ZBTB38: variants seen among roughly 807,000 people sequenced by gnomAD.
ZBTB38 encodes zinc finger and BTB domain containing 38.
ZBTB38 carries 20 observed loss-of-function variants against 76.8 expected under a neutral mutation model. That is an observed-to-expected ratio of 0.26 (90% CI 0.18 to 0.38). The LOEUF is 0.38. Ranked by LOEUF, ZBTB38 falls within the 10% of genes least tolerant of loss-of-function variation. The pLI is 1.00. For synonymous variants in ZBTB38, 504 were observed against 544.2 expected (o/e 0.93, Z 1.03); for missense variants, 1,082 against 1,482.3 (o/e 0.73, Z 4.43).
chr3:141,364,385 T>A (rs982112479), upstream of ZBTB38, among the ~76,000 whole-genome samples: 10 of 134,112 alleles, frequency 7.5e-5, no homozygotes, highest in South Asian at 2.3e-4. Flanking sequence ...CTGAAAACTT[T>A]AAAAAAAAAA....
At chr3:141,334,654 G>A (rs1027849330) in intron 1 of ZBTB38, among the ~76,000 whole-genome samples, 1 of 152,032 alleles carries the variant, frequency 6.6e-6, no homozygotes, top group Non-Finnish European at 1.5e-5. Flanking sequence ...CTCTCAGGCA[G>A]GGACTGTCCT....
At chr3:141,376,054 C>T (rs1422289752) in intron 2 of ZBTB38, among the ~76,000 whole-genome samples, 5 of 152,172 alleles carry the variant, frequency 3.3e-5, no homozygotes, top group Non-Finnish European at 7.3e-5. Flanking sequence ...GACTATTCAT[C>T]CTGCCTGCAT....
intron 1 of ZBTB38, among the ~76,000 whole-genome samples, chr3:141,356,529 A>T (rs1576673704): frequency 3.3e-5 from 5 of 152,144 alleles, no homozygotes; most frequent in Admixed American, 3.3e-4. Flanking sequence ...TACTACATCT[A>T]ACCTTACATG....
chr3:141,390,729 A>G (rs1948604704), intron 4 of ZBTB38, among the ~76,000 whole-genome samples: 1 of 152,246 alleles, frequency 6.6e-6, no homozygotes, highest in Non-Finnish European at 1.5e-5. Flanking sequence ...TAAACAGTCA[A>G]CACATTTATT....
chr3:141,443,966 G>T lies in ZBTB38; in HGVS notation c.1578G>T (p.Met526Ile). The T allele has an allele frequency of 6.2e-7, 1 of 1,614,048 alleles. No homozygotes were observed. Among genetic ancestry groups the T allele is most frequent in the South Asian group, 1.1e-5 (1 of 91,022 alleles). ...YQCIFCLETF[M>I]TYYILKNHQK... ...GCATTTTCTGTCTTGAAACTTTCAT[G>T]ACCTACTATATACTCAAAAATCATC... The change falls in exon 6 of 6, where the codon ATG becomes ATT. Residue 526 changes from methionine (M) to isoleucine (I), a missense_variant. Met to Ile is a conservative substitution (Grantham distance 10). Transcript: ENST00000321464. This position sits in a 1 kb window ranked among gnomAD's most constrained non-coding sequence, Gnocchi z 5.6.
At chr3:141,387,810 T>C (rs537643105) in intron 4 of ZBTB38, 1 of 152,302 alleles carries the variant, frequency 6.6e-6, no homozygotes, top group East Asian at 1.9e-4. Context: ...GACAGAGAAA[T>C]CAGTTGGTCT....
In ZBTB38 at chr3:141,445,632, A is replaced by C; in HGVS notation, c.3244A>C (p.Lys1082Gln). Reference sequence around the variant, plus strand: ...GGCATTCACCTTGAATGAGACCCTCAAAATCCATGAAAGAATCCATACTGG... The same window carrying C: ...GGCATTCACCTTGAATGAGACCCTCCAAATCCATGAAAGAATCCATACTGG... ...NKAFTLNETL[K>Q]IHERIHTGEK... The change falls in exon 6 of 6, where the codon AAA becomes CAA. Residue 1082 changes from lysine (K) to glutamine (Q), a missense_variant. This residue lies in a region of ZBTB38 where 69 missense variants were observed against 148.2 expected (regional missense o/e 0.47). Transcript: ENST00000321464. The surrounding 1 kb of genome is among the most constrained non-coding windows in gnomAD (Gnocchi z 6.5). 1 of 1,614,236 alleles carries C rather than the reference A, an allele frequency of 6.2e-7. No individual in the cohort carries two copies. Among genetic ancestry groups the C allele is most frequent in the Non-Finnish European group, 8.5e-7 (1 of 1,180,034 alleles).
intron 1 of ZBTB38, among the ~76,000 whole-genome samples, chr3:141,347,950 C>A (rs1432398273): frequency 1.3e-5 from 2 of 152,208 alleles, no homozygotes; most frequent in African/African-American, 2.4e-5. Flanking sequence ...GTAATGGTTT[C>A]TCTTGTTCTG....
intron 1 of ZBTB38, among the ~76,000 whole-genome samples, chr3:141,326,834 T>C (rs771480408): frequency 2.0e-5 from 3 of 152,132 alleles, no homozygotes; most frequent in Non-Finnish European, 4.4e-5. Context: ...AGGGGGGTGG[T>C]GTCATTATTC....
intron 1 of ZBTB38, among the ~76,000 whole-genome samples, chr3:141,355,610 G>A (rs1376102488): frequency 1.3e-5 from 2 of 152,026 alleles, no homozygotes; most frequent in Non-Finnish European, 2.9e-5. Context: ...GCCTCCACAG[G>A]CTTTCCAGTA....
At chr3:141,373,050 C>T (rs904972121) in intron 2 of ZBTB38, among the ~76,000 whole-genome samples, 3 of 152,208 alleles carry the variant, frequency 2.0e-5, no homozygotes, top group African/African-American at 4.8e-5. Flanking sequence ...ACCAGAATTT[C>T]ACTACTGTCA....
chr3:141,441,560 G>A (rs183275628), intron 5 of ZBTB38, among the ~76,000 whole-genome samples: 1 of 152,202 alleles, frequency 6.6e-6, no homozygotes, highest in Non-Finnish European at 1.5e-5. Flanking sequence ...AGAGGCGGGG[G>A]TGCCCCTGGT....
chr3:141,383,597 A>C (rs1376104019), intron 3 of ZBTB38: 2 of 152,220 alleles, frequency 1.3e-5, no homozygotes, highest in African/African-American at 4.8e-5. Flanking sequence ...TAGAGAGTCA[A>C]GCTTTGTTCA....
intron 5 of ZBTB38, chr3:141,432,275 T>C (rs2077787958): frequency 4.8e-5 from 47 of 985,384 alleles, no homozygotes; most frequent in Non-Finnish European, 5.4e-5. Context: ...GTTCTTTTTT[T>C]AGTTAGGTTT....
At chr3:141,336,876 T>G (rs1224005804) in intron 1 of ZBTB38, among the ~76,000 whole-genome samples, 1 of 152,202 alleles carries the variant, frequency 6.6e-6, no homozygotes, top group East Asian at 1.9e-4. Context: ...CACCTTCTGA[T>G]GGGTGAGACT....
At chr3:141,328,799 C>T (rs1327517124) in intron 1 of ZBTB38, among the ~76,000 whole-genome samples, 1 of 152,042 alleles carries the variant, frequency 6.6e-6, no homozygotes, top group Non-Finnish European at 1.5e-5. Flanking sequence ...CTTGTCATTC[C>T]CTCCTCATCT....
At chr3:141,437,913 A>C (rs539850143) in intron 5 of ZBTB38, among the ~76,000 whole-genome samples, 1 of 151,754 alleles carries the variant, frequency 6.6e-6, no homozygotes, top group African/African-American at 2.4e-5. Context: ...TTTTTCTTTT[A>C]TTTATTTATT....
intron 2 of ZBTB38, among the ~76,000 whole-genome samples, chr3:141,374,116 GA>G (rs61344668): frequency 0.017 from 2,272 of 131,598 alleles, 35 homozygotes; most frequent in African/African-American, 0.05. Context: ...GGCAACAGAG[GA>G]AAAAAAAAAA....
intron 2 of ZBTB38, among the ~76,000 whole-genome samples, chr3:141,371,574 A>G (rs1363674796): frequency 6.6e-6 from 1 of 152,040 alleles, no homozygotes; most frequent in Non-Finnish European, 1.5e-5. Context: ...TCCTGGGCTC[A>G]AGCAATCCAC....
Sources: gnomAD v4.1 joint callset for allele counts (sites outside exome capture counted in the v4.1 genomes callset) on GRCh38, gnomAD v4.1.1 for gene constraint, gnomAD v4.1.1 regional missense constraint, Gnocchi (gnomAD v3.1) non-coding constraint, MANE v1.5 for transcripts, NCBI Gene and HGNC (gene_info 2026-07-23, HGNC 2026-07-21) for gene names.